OPCML: variants seen among roughly 807,000 people sequenced by gnomAD.
OPCML encodes the protein opioid binding protein/cell adhesion molecule like.
In OPCML, 13 loss-of-function variants were observed where a neutral mutation model predicts 37.8. The ratio of observed to expected loss-of-function variants is 0.34; its 90% CI spans 0.22 to 0.55. The LOEUF is 0.55. OPCML is among the 20% of genes least tolerant of loss of function. OPCML has a pLI of 0.91. For synonymous variants in OPCML, 176 were observed against 168.8 expected (o/e 1.04, Z -0.33); for missense variants, 341 against 435.6 (o/e 0.78, Z 1.93).
At chr11:133,513,891 ATTG>A (rs1179150885) in intron 1 of OPCML, among the ~76,000 whole-genome samples, 1 of 152,216 alleles carries the variant, frequency 6.6e-6, no homozygotes, top group African/African-American at 2.4e-5. Context: ...AGCATCTAAA[ATTG>A]TTGTTGTCAG....
chr11:133,523,197 G>T (rs1046133286), intron 1 of OPCML, among the ~76,000 whole-genome samples: 1 of 152,168 alleles, frequency 6.6e-6, no homozygotes, highest in African/African-American at 2.4e-5. Flanking sequence ...CCAGTTAAGA[G>T]ATTGAGATTA....
intron 1 of OPCML, among the ~76,000 whole-genome samples, chr11:133,374,357 C>G (rs1053872722): frequency 3.3e-5 from 5 of 152,122 alleles, no homozygotes; most frequent in Non-Finnish European, 1.5e-5. Context: ...GGCAGGAATC[C>G]CCAAGAGGCA....
intron 2 of OPCML, among the ~76,000 whole-genome samples, chr11:132,905,279 T>A (rs2136516400): frequency 6.9e-6 from 1 of 143,938 alleles, no homozygotes; most frequent in Middle Eastern, 3.6e-3. Context: ...TTTCCCAGGC[T>A]GGAGTGCAGT....
chr11:133,497,186 T>C (rs1947804904), intron 1 of OPCML, among the ~76,000 whole-genome samples: 2 of 152,206 alleles, frequency 1.3e-5, no homozygotes, highest in South Asian at 2.1e-4. Flanking sequence ...CCCAAACTTC[T>C]TGGAGTCTTT....
At chr11:133,100,467 T>C (rs948435745) in intron 1 of OPCML, among the ~76,000 whole-genome samples, 4 of 152,142 alleles carry the variant, frequency 2.6e-5, no homozygotes, top group Non-Finnish European at 5.9e-5. Context: ...AAAAAATGAC[T>C]CTAAAATTTA....
intron 1 of OPCML, among the ~76,000 whole-genome samples, chr11:133,159,306 GGGCACGA>G (rs1246218105): frequency 1.3e-5 from 2 of 152,124 alleles, no homozygotes; most frequent in African/African-American, 4.8e-5. Flanking sequence ...GAGGTCCCTG[GGGCACGA>G]TGTATGCCTC....
intron 1 of OPCML, among the ~76,000 whole-genome samples, chr11:133,374,783 T>C (rs1227862518): frequency 6.6e-6 from 1 of 152,174 alleles, no homozygotes; most frequent in Non-Finnish European, 1.5e-5. Flanking sequence ...CTCCTTATCT[T>C]GGCCTCCAAG....
chr11:132,566,744 T>TA (rs1451284915), intron 3 of OPCML, among the ~76,000 whole-genome samples: 1 of 152,138 alleles, frequency 6.6e-6, no homozygotes, highest in Non-Finnish European at 1.5e-5. Context: ...ACAAGTGCTA[T>TA]AAAAGCACAG....
chr11:133,187,871 T>C (rs1020819529), intron 1 of OPCML, among the ~76,000 whole-genome samples: 1 of 152,180 alleles, frequency 6.6e-6, no homozygotes, highest in Non-Finnish European at 1.5e-5. Flanking sequence ...TCCCAACTTA[T>C]AAACTGAAGA....
At chr11:132,828,314 G>A (rs1940484465) in intron 2 of OPCML, among the ~76,000 whole-genome samples, 2 of 152,164 alleles carry the variant, frequency 1.3e-5, no homozygotes, top group Non-Finnish European at 2.9e-5. Context: ...TACAACAACA[G>A]ATACATGTCA....
At chr11:133,441,779 C>A (rs1946369352) in intron 1 of OPCML, among the ~76,000 whole-genome samples, 1 of 152,134 alleles carries the variant, frequency 6.6e-6, no homozygotes, top group Non-Finnish European at 1.5e-5. Flanking sequence ...ACGCAAGTAT[C>A]TTTGAAAGAT....
chr11:132,438,986 A>T (rs527867839), intron 4 of OPCML, among the ~76,000 whole-genome samples: 24 of 152,204 alleles, frequency 1.6e-4, no homozygotes, highest in African/African-American at 4.6e-4. Context: ...GATACTGGCT[A>T]CCAATCATCT....
intron 1 of OPCML, among the ~76,000 whole-genome samples, chr11:133,397,503 C>A (rs57253220): frequency 0.018 from 2,754 of 152,282 alleles, 86 homozygotes; most frequent in African/African-American, 0.062. Context: ...AGTCTTTAAG[C>A]ATAAGTCAAA....
intron 2 of OPCML, among the ~76,000 whole-genome samples, chr11:132,930,881 G>T (rs916068759): frequency 6.6e-6 from 1 of 152,096 alleles, no homozygotes; most frequent in Admixed American, 6.6e-5. Flanking sequence ...TATAAACAAA[G>T]TTAGTGGTCT....
At chr11:132,652,451 C>T (rs1941481565) in intron 3 of OPCML, among the ~76,000 whole-genome samples, 2 of 151,694 alleles carry the variant, frequency 1.3e-5, no homozygotes, top group South Asian at 4.2e-4. Context: ...ATGTTGTTGG[C>T]ATTGGAGGGA....
At chr11:133,473,088 A>C (rs534278792) in intron 1 of OPCML, among the ~76,000 whole-genome samples, 1 of 152,312 alleles carries the variant, frequency 6.6e-6, no homozygotes, top group Admixed American at 6.5e-5. Context: ...ACAAAGGCTG[A>C]GACTTCAAAT....
At chr11:132,736,552 G>A (rs147931213) in intron 2 of OPCML, among the ~76,000 whole-genome samples, 1 of 152,178 alleles carries the variant, frequency 6.6e-6, no homozygotes, top group Non-Finnish European at 1.5e-5. Context: ...TGTGTGTCCA[G>A]TGAACTACAG....
intron 2 of OPCML, among the ~76,000 whole-genome samples, chr11:132,712,881 C>A (rs1793282): frequency 0.11 from 16,007 of 152,202 alleles, 1,480 homozygotes; most frequent in African/African-American, 0.24. Context: ...ACATTTAAAA[C>A]TTTTGCTAGC....
At chr11:133,108,907 C>T (rs1949205966) in intron 1 of OPCML, among the ~76,000 whole-genome samples, 1 of 152,304 alleles carries the variant, frequency 6.6e-6, no homozygotes, top group Admixed American at 6.5e-5. Context: ...TTTCCATATG[C>T]AGGAAGCCTG....
Sources: allele counts gnomAD v4.1 joint callset (sites outside exome capture counted in the v4.1 genomes callset), GRCh38; gene constraint gnomAD v4.1.1; transcripts MANE v1.5; gene names NCBI Gene and HGNC (gene_info 2026-07-23, HGNC 2026-07-21).